Variants in LRRC8C observed in about 807,000 individuals in gnomAD.
The protein encoded by LRRC8C is volume-regulated anion channel subunit LRRC8C.
Under a neutral mutation model 55.3 loss-of-function variants are expected in LRRC8C, and 20 were observed. The ratio of observed to expected loss-of-function variants is 0.36; its 90% CI spans 0.25 to 0.53. The LOEUF is 0.53. Ranked by LOEUF, LRRC8C falls within the 20% of genes least tolerant of loss-of-function variation. The pLI, the probability that LRRC8C is intolerant of heterozygous loss-of-function variation, is 0.92. For synonymous variants in LRRC8C, 376 were observed against 360.7 expected, an observed-to-expected ratio of 1.04 and a Z score of -0.48; for missense variants, 659 against 951.4, an observed-to-expected ratio of 0.69 and a Z score of 4.04.
chr1:89,710,107 T>A (rs1333620480), intron 2 of LRRC8C, among the ~76,000 whole-genome samples: 1 of 152,174 alleles, frequency 6.6e-6, no homozygotes, highest in Non-Finnish European at 1.5e-5. Context: ...AGGGTGTCAG[T>A]CTTGAAGAAT....
At chr1:89,664,288 G>A (rs1657197831) in intron 1 of LRRC8C, among the ~76,000 whole-genome samples, 1 of 152,168 alleles carries the variant, frequency 6.6e-6, no homozygotes, top group Non-Finnish European at 1.5e-5. Flanking sequence ...TTACAGTTAA[G>A]TCTTTAATCT....
chr1:89,715,010 A>T lies in LRRC8C; in HGVS notation c.*28A>T. 6.7e-7 allele frequency: 1 copy of T among 1,482,344 alleles called. No individual in the cohort carries two copies. The highest frequency in any genetic ancestry group is 9.1e-7 in the Non-Finnish European group (1 of 1,095,036). 91.8% of individuals were successfully genotyped at this position (1,482,344 alleles called of 1,614,324 possible). On this transcript the variant is annotated 3_prime_UTR_variant, in exon 3 of 3. Coordinates refer to ENST00000370454, the MANE Select transcript of LRRC8C (RefSeq NM_032270.5). ...TATTTTTCGTTAAAGTTTGACTGAA[A>T]CACGCTTCTACCAAATACAGTATAA... is the stretch of plus-strand genomic sequence containing the variant.
chr1:89,684,324 A>C (rs1349168662), intron 1 of LRRC8C, among the ~76,000 whole-genome samples: 1 of 152,214 alleles, frequency 6.6e-6, no homozygotes, highest in Non-Finnish European at 1.5e-5. Flanking sequence ...ACAACAACCA[A>C]ATCTATCAAG....
chr1:89,650,176 CT>C (rs1656722323), intron 1 of LRRC8C, among the ~76,000 whole-genome samples: 1 of 152,178 alleles, frequency 6.6e-6, no homozygotes, highest in African/African-American at 2.4e-5. Flanking sequence ...CACAAACCCA[CT>C]GCAGGCAAAA....
At chr1:89,683,456 G>A (rs1391571620) in intron 1 of LRRC8C, among the ~76,000 whole-genome samples, 1 of 151,016 alleles carries the variant, frequency 6.6e-6, no homozygotes, top group East Asian at 1.9e-4. Flanking sequence ...CTCCCAAGTT[G>A]AAGCGATTCT....
At chr1:89,682,712 G>C (rs1272378975) in intron 1 of LRRC8C, among the ~76,000 whole-genome samples, 1 of 152,178 alleles carries the variant, frequency 6.6e-6, no homozygotes, top group Non-Finnish European at 1.5e-5. Flanking sequence ...TTCACTTGCT[G>C]TTCTTATTGA....
the LRRC8C span, chr1:89,624,935 T>C: frequency 6.6e-6 from 1 of 152,218 alleles, no homozygotes; most frequent in South Asian, 2.1e-4. Flanking sequence ...GAAGATATAC[T>C]ACTTTCCAAA....
Position 89,713,515 on chromosome 1 carries a change from G to C in LRRC8C, c.945G>C (p.Leu315Phe), listed in dbSNP as rs554085091. The change falls in exon 3 of 3, where the codon TTG becomes TTC. Residue 315 changes from leucine (L) to phenylalanine (F), a missense_variant. Leu to Phe is a conservative substitution (Grantham distance 22). Transcript: ENST00000370454. This position sits in a 1 kb window ranked among gnomAD's most constrained non-coding sequence, Gnocchi z 5.2. ...CTTGCAATCATACCATGGCACACTT[G>C]TTCTCAAAACTGTCCTTTTGCTATC... ...NFSCNHTMAH[L>F]FSKLSFCYLC... 7.4e-6 allele frequency: 12 copies of C among 1,613,974 alleles called. No homozygotes were observed. In the Admixed American group the frequency reaches 1.7e-4, roughly 22 times the overall value.
chr1:89,701,978 C>T (rs1416898922), intron 2 of LRRC8C, among the ~76,000 whole-genome samples: 1 of 152,106 alleles, frequency 6.6e-6, no homozygotes, highest in Non-Finnish European at 1.5e-5. Flanking sequence ...AGCCTGGTCA[C>T]TGTTTCAAGC....
At chr1:89,669,406 A>C (rs527735457) in intron 1 of LRRC8C, among the ~76,000 whole-genome samples, 1 of 152,274 alleles carries the variant, frequency 6.6e-6, no homozygotes, top group African/African-American at 2.4e-5. Flanking sequence ...GGTATGCTTA[A>C]AATTTTAAGC....
chr1:89,628,334 G>A (rs1457675833), upstream of LRRC8C, among the ~76,000 whole-genome samples: 1 of 152,144 alleles, frequency 6.6e-6, no homozygotes, highest in Non-Finnish European at 1.5e-5. Flanking sequence ...GTAGTTTTGT[G>A]TGACACAGGA....
chr1:89,647,409 C>T (rs1011944603), intron 1 of LRRC8C, among the ~76,000 whole-genome samples: 9 of 152,152 alleles, frequency 5.9e-5, no homozygotes, highest in African/African-American at 2.2e-4. Flanking sequence ...AGCTTATTTA[C>T]TAATAACTGT....
At chr1:89,658,864 G>A (rs997984543) in intron 1 of LRRC8C, among the ~76,000 whole-genome samples, 4 of 152,002 alleles carry the variant, frequency 2.6e-5, no homozygotes, top group African/African-American at 9.7e-5. Context: ...CTGACCAAGA[G>A]GCTATAGAGC....
upstream of LRRC8C, among the ~76,000 whole-genome samples, chr1:89,629,934 G>A (rs2101162096): frequency 6.6e-6 from 1 of 152,232 alleles, no homozygotes; most frequent in Admixed American, 6.5e-5. Context: ...CAAGGCGGGT[G>A]GATCACCTGA....
At chr1:89,675,976 G>C (rs1208141534) in intron 1 of LRRC8C, among the ~76,000 whole-genome samples, 1 of 152,130 alleles carries the variant, frequency 6.6e-6, no homozygotes, top group Admixed American at 6.5e-5. Context: ...GTTTTTGAAG[G>C]ACTATTAGAT....
At chr1:89,698,063 T>C (rs1658222354) in intron 2 of LRRC8C, among the ~76,000 whole-genome samples, 1 of 152,216 alleles carries the variant, frequency 6.6e-6, no homozygotes, top group Non-Finnish European at 1.5e-5. Flanking sequence ...GTGGATATGA[T>C]GGTTTCTTTT....
chr1:89,656,731 C>T (rs928669292), intron 1 of LRRC8C, among the ~76,000 whole-genome samples: 6 of 152,112 alleles, frequency 3.9e-5, no homozygotes, highest in South Asian at 4.1e-4. Flanking sequence ...GGGTACTGTT[C>T]GGCACTTTCC....
At chr1:89,636,759 T>A (rs1003112173) in intron 1 of LRRC8C, among the ~76,000 whole-genome samples, 4 of 152,120 alleles carry the variant, frequency 2.6e-5, no homozygotes, top group African/African-American at 9.7e-5. Context: ...AGACAACACG[T>A]ACCCCTCCAA....
chr1:89,676,170 AT>A (rs2101250883), intron 1 of LRRC8C: 1 of 152,292 alleles, frequency 6.6e-6, no homozygotes, highest in East Asian at 1.9e-4. Flanking sequence ...ATTCCAAACC[AT>A]TATTTTGTTA....
Sources: gnomAD v4.1 joint callset for allele counts (sites outside exome capture counted in the v4.1 genomes callset) on GRCh38, gnomAD v4.1.1 for gene constraint, Gnocchi (gnomAD v3.1) non-coding constraint, MANE v1.5 for transcripts, NCBI Gene and HGNC (gene_info 2026-07-23, HGNC 2026-07-21) for gene names.